Variants in ARID1A observed in about 807,000 individuals in gnomAD.
ARID1A encodes the protein AT-rich interactive domain-containing protein 1A.
In ARID1A, 20 loss-of-function variants were observed where a neutral mutation model predicts 212.6. The observed-to-expected ratio is 0.09, with a 90% CI of 0.07 to 0.14. ARID1A has a LOEUF of 0.14. Among genes scored for constraint, ARID1A ranks in the 10% least tolerant of loss-of-function variants. The pLI is 1.00. For missense variants in ARID1A, 2,587 were observed against 3,059.0 expected (o/e 0.85, Z 3.64); for synonymous variants, 1,376 against 1,222.1 (o/e 1.13, Z -2.63).
chr1:26,762,200 C>T lies in ARID1A; in HGVS notation c.2300C>T (p.Pro767Leu), dbSNP rs2124063345. 1 of 1,614,162 alleles carries T rather than the reference C, an allele frequency of 6.2e-7. No homozygotes were observed. The highest frequency in any genetic ancestry group is 1.1e-5 in the South Asian group (1 of 91,080). Residue 767 changes from proline (P) to leucine (L), a missense_variant, in exon 7 of 20, where the codon CCC becomes CTC. Pro to Leu is a moderately conservative substitution (Grantham distance 98). This residue lies in a region of ARID1A where 674 missense variants were observed against 813.4 expected (regional missense o/e 0.83). Transcript: ENST00000324856. ...ATGCCCCAGTACAGTTCCCCCCAGC[C>T]CGGCTCAGCCTTATCTCCGCGTCAG... ...PQMPQYSSPQ[P>L]GSALSPRQPS...
chr1:26,716,079 G>T (rs985871996), intron 1 of ARID1A, among the ~76,000 whole-genome samples: 1 of 151,726 alleles, frequency 6.6e-6, no homozygotes, highest in African/African-American at 2.4e-5. Flanking sequence ...GGTGGTGCAT[G>T]CCCGTAATCC....
rs748177409 is a variant in ARID1A, at chr1:26,780,702, C to T, written c.6804C>T (p.Asn2268=). Reference sequence around the variant, plus strand: ...ACATCTCGGTATCACCGTTGATGAACTCATTGGTTTCACAAGTCATTTGTG... The same window carrying T: ...ACATCTCGGTATCACCGTTGATGAATTCATTGGTTTCACAAGTCATTTGTG... ...LLDISVSPLM[N]SLVSQVICDV... Residue 2268 remains asparagine (N), a synonymous_variant, in exon 20 of 20, where the codon AAC becomes AAT. Coordinates refer to ENST00000324856, the MANE Select transcript of ARID1A (RefSeq NM_006015.6). The surrounding 1 kb of genome is among the most constrained non-coding windows in gnomAD (Gnocchi z 7.2). The T allele has an allele frequency of 6.3e-7, 1 of 1,594,214 alleles. No individual in the cohort carries two copies. The highest frequency in any genetic ancestry group is 8.5e-7 in the Non-Finnish European group (1 of 1,173,334).
In ARID1A at chr1:26,780,824, C is replaced by T. The variant is rs1328126265; in HGVS notation, c.*68C>T. 6.7e-7 allele frequency: 1 copy of T among 1,501,270 alleles called. No homozygotes were observed. Among genetic ancestry groups the T allele is most frequent in the East Asian group, 2.3e-5 (1 of 43,778 alleles). 93.0% of individuals were successfully genotyped at this position (1,501,270 alleles called of 1,614,324 possible). ...TGGAGAACTTAGAAACTGACTGTTGCCCTTTATTTATGCAAAACCACCTCA... is the reference window on the plus strand; with the variant it reads ...TGGAGAACTTAGAAACTGACTGTTGTCCTTTATTTATGCAAAACCACCTCA... On this transcript the variant is annotated 3_prime_UTR_variant, in exon 20 of 20. Transcript: ENST00000324856. The surrounding 1 kb of genome is among the most constrained non-coding windows in gnomAD (Gnocchi z 7.2).
Position 26,697,296 on chromosome 1 carries a change from T to C in ARID1A, c.893T>C (p.Leu298Pro). The change falls in exon 1 of 20, where the codon CTG (leucine) becomes CCG (proline). Residue 298 changes from leucine (L) to proline (P), a missense_variant. This residue lies in a region of ARID1A where 735 missense variants were observed against 590.6 expected (regional missense o/e 1.24). Transcript: ENST00000324856. ...ACCGCCACCCCCACCCTCAACCAACTGCTCACGTCGCCCAGCTCGGCCCGG... is the reference window on the plus strand; with the variant it reads ...ACCGCCACCCCCACCCTCAACCAACCGCTCACGTCGCCCAGCTCGGCCCGG... ...QPTATPTLNQLLTSPSSARGY... is the reference protein window; with the variant it reads ...QPTATPTLNQPLTSPSSARGY... 1 of 1,354,098 alleles carries C rather than the reference T, an allele frequency of 7.4e-7. No homozygotes were observed. Among genetic ancestry groups the C allele is most frequent in the Non-Finnish European group, 9.4e-7 (1 of 1,059,154 alleles). The allele number at this position is 1,354,098 out of a possible 1,614,324, so 83.9% of individuals were successfully genotyped here.
intron 4 of ARID1A, among the ~76,000 whole-genome samples, chr1:26,739,921 G>C (rs2124800897): frequency 6.7e-6 from 1 of 149,228 alleles, no homozygotes; most frequent in South Asian, 2.1e-4. Context: ...ACTTCTGACT[G>C]TTCTGTTTCT....
At chr1:26,702,797 T>A (rs531140328) in intron 1 of ARID1A, among the ~76,000 whole-genome samples, 1 of 152,300 alleles carries the variant, frequency 6.6e-6, no homozygotes, top group South Asian at 2.1e-4. Flanking sequence ...TGGCCCTGGC[T>A]GCGTGCTAAG....
At chr1:26,772,310 A>G (rs1171694922) in intron 12 of ARID1A, 190 bp from the exon 13 acceptor site, 4 of 763,806 alleles carry the variant, frequency 5.2e-6, no homozygotes, top group Non-Finnish European at 8.3e-6. Context: ...ACAAAAACAA[A>G]GAGCTACAAA....
chr1:26,732,939 A>G, intron 4 of ARID1A, 147 bp downstream of exon 4: 1 of 681,770 alleles, frequency 1.5e-6, no homozygotes, highest in South Asian at 1.8e-5. Context: ...GCTGACTTGT[A>G]GATGTCTGTT....
chr1:26,779,383 G>A lies in ARID1A; in HGVS notation c.5485G>A (p.Asp1829Asn), dbSNP rs1292754665. The A allele has an allele frequency of 6.2e-7, 1 of 1,614,236 alleles. No homozygotes were observed. The highest frequency in any genetic ancestry group is 8.5e-7 in the Non-Finnish European group (1 of 1,180,052). ...KNDPFVVDCS[D>N]KLGRVQEFDS... ...TGATCCATTTGTGGTGGACTGCTCA[G>A]ATAAGCTTGGGCGTGTGCAGGAGTT... is the stretch of plus-strand genomic sequence containing the variant. The change falls in exon 20 of 20, where the codon GAT (aspartate) becomes AAT (asparagine). Residue 1829 changes from aspartate (D) to asparagine (N), a missense_variant. By Grantham distance (23) the Asp-to-Asn change is conservative. Coordinates refer to ENST00000324856, the MANE Select transcript of ARID1A (RefSeq NM_006015.6).
chr1:26,697,537 T>C lies in ARID1A; in HGVS notation c.1134T>C (p.Pro378=), dbSNP rs2124745461. 1 of 1,379,082 alleles carries C rather than the reference T, an allele frequency of 7.3e-7. No homozygotes were observed. Among genetic ancestry groups the C allele is most frequent in the Non-Finnish European group, 9.3e-7 (1 of 1,076,608 alleles). 85.4% of individuals were successfully genotyped at this position (1,379,082 alleles called of 1,614,324 possible). ...GGGGGCAGCCGCTCGCCCGGACCCC[T>C]CAGGTACACAGCTGAGTGGGGAGGG... The part of the protein sequence containing the change: ...GGGGQPLART[P]QPSSPMDQMG... Residue 378 remains proline, a synonymous_variant, in exon 1 of 20, where the codon CCT becomes CCC. Transcript: ENST00000324856.
At chr1:26,761,605 T>G in intron 6 of ARID1A, 132 bp downstream of exon 6, 1 of 847,662 alleles carries the variant, frequency 1.2e-6, no homozygotes, top group East Asian at 2.6e-5. Context: ...TTTATATTCT[T>G]TAAAAGTTGA....
In ARID1A at chr1:26,766,586, C is replaced by T. The variant is rs2081041752; in HGVS notation, c.2988+20C>T. The T allele has an allele frequency of 6.3e-7, 1 of 1,581,862 alleles. No homozygotes were observed. Among genetic ancestry groups the T allele is most frequent in the African/African-American group, 1.4e-5 (1 of 73,982 alleles). ...TCCAAGGTAGTGATTTTTGTCTTGA[C>T]TCCTTTCAACTTTGTGTCCTATCTT... On this transcript the variant is annotated intron_variant, in intron 10 of 19. Coordinates refer to ENST00000324856, the MANE Select transcript of ARID1A (RefSeq NM_006015.6).
At chr1:26,772,724 C>T (rs2124105768) in intron 13 of ARID1A, 88 bp from the exon 14 acceptor site, 4 of 1,606,258 alleles carry the variant, frequency 2.5e-6, no homozygotes, top group Non-Finnish European at 3.4e-6. Flanking sequence ...CTTGCCTCTG[C>T]CTTCCCAGCC....
chr1:26,772,739 A>T (rs1281055229), intron 13 of ARID1A, 73 bp from the exon 14 acceptor site: 3 of 1,605,158 alleles, frequency 1.9e-6, no homozygotes, highest in Non-Finnish European at 2.6e-6. Flanking sequence ...CCAGCCAGTG[A>T]CTCCTGCGTG....
intron 1 of ARID1A, 134 bp downstream of exon 1, chr1:26,697,674 C>T (rs1006160069): frequency 1.7e-5 from 15 of 902,540 alleles, no homozygotes; most frequent in South Asian, 1.4e-4. Flanking sequence ...CATTGTCTGG[C>T]TCTTCTCTCT....
rs760963030 is a variant in ARID1A at position 26,766,442 on chromosome 1, T to C, written c.2879-15T>C. Reference sequence around the variant, plus strand: ...CTAAACTTACTGGACTTGAGAATTTTTTTCTCTTTTACAGGGATGGCAGCC... The same window carrying C: ...CTAAACTTACTGGACTTGAGAATTTCTTTCTCTTTTACAGGGATGGCAGCC... On this transcript the variant is annotated splice_polypyrimidine_tract_variant and intron_variant, in intron 9 of 19. Coordinates refer to ENST00000324856, the MANE Select transcript of ARID1A (RefSeq NM_006015.6). 14 of 1,613,726 alleles carry C rather than the reference T, an allele frequency of 8.7e-6. No individual in the cohort carries two copies. The South Asian group carries it at 1.5e-4, about 18-fold the overall frequency.
At chr1:26,714,617 A>G (rs996595167) in intron 1 of ARID1A, among the ~76,000 whole-genome samples, 1 of 151,980 alleles carries the variant, frequency 6.6e-6, no homozygotes, top group African/African-American at 2.4e-5. Context: ...GGGTTTCACT[A>G]TGTCAGCCAG....
At position 26,772,743 on chromosome 1, in the gene ARID1A, C is replaced by T. The variant is rs949437908; in HGVS notation, c.3540-69C>T. ...CCTCTGCCTTCCCAGCCAGTGACTCCTGCGTGTCCTTTGTTATATTGGAGG... is the reference window on the plus strand; with the variant it reads ...CCTCTGCCTTCCCAGCCAGTGACTCTTGCGTGTCCTTTGTTATATTGGAGG... On this transcript the variant is annotated intron_variant, in intron 13 of 19. Transcript: ENST00000324856. 4.4e-6 allele frequency: 7 copies of T among 1,605,804 alleles called. No individual in the cohort carries two copies. In the African/African-American group the frequency reaches 8.0e-5, roughly 18 times the overall value.
In ARID1A at chr1:26,696,256, GCGA is replaced by G; in HGVS notation, c.-147_-145del. On this transcript the variant is annotated 5_prime_UTR_variant, in exon 1 of 20. Transcript: ENST00000324856. ...AGCCGGCGGGGCGGGGGGGAGAGGA[GCGA>G]GCGCAGCGCAGCAGCGGAGCCCCGC... 9.8e-7 allele frequency: 1 copy of G among 1,019,718 alleles called. No homozygotes were observed. The highest frequency in any genetic ancestry group is 1.2e-6 in the Non-Finnish European group (1 of 810,314). 63.2% of individuals were successfully genotyped at this position (1,019,718 alleles called of 1,614,324 possible). A position where few individuals can be genotyped will look rare whatever the true frequency, so the allele number is the denominator to read the frequency against.
Sources: gnomAD v4.1 joint callset for allele counts (sites outside exome capture counted in the v4.1 genomes callset) on GRCh38, gnomAD v4.1.1 for gene constraint, gnomAD v4.1.1 regional missense constraint, Gnocchi (gnomAD v3.1) non-coding constraint, MANE v1.5 for transcripts, NCBI Gene and HGNC (gene_info 2026-07-23, HGNC 2026-07-21) for gene names.